GCA: variants seen among roughly 807,000 people sequenced by gnomAD.
GCA encodes grancalcin, EF-hand calcium-binding protein.
GCA carries 30 observed loss-of-function variants against 32.6 expected under a neutral mutation model. That is an observed-to-expected ratio of 0.92 (90% CI 0.69 to 1.25). The LOEUF is 1.25. Among genes scored for constraint, GCA ranks in the 50% most tolerant of loss-of-function variants. The pLI, the probability that GCA is intolerant of heterozygous loss-of-function variation, is 0.00. For synonymous variants in GCA, 102 were observed against 84.6 expected (o/e 1.21, Z -1.13); for missense variants, 291 against 266.8 (o/e 1.09, Z -0.63).
chr2:162,327,359 AG>A (rs1683922075), intron 1 of GCA, among the ~76,000 whole-genome samples: 1 of 152,122 alleles, frequency 6.6e-6, no homozygotes, highest in South Asian at 2.1e-4. Flanking sequence ...TGTGGGGGGC[AG>A]GGGGAGCCCT....
chr2:162,368,536 C>T (rs1047038914), intron 4 of GCA, among the ~76,000 whole-genome samples: 1 of 151,648 alleles, frequency 6.6e-6, no homozygotes, highest in East Asian at 1.9e-4. Flanking sequence ...ACATTTTATC[C>T]TTAGACAATA....
At chr2:162,347,037 G>T (rs760403499) in intron 1 of GCA, among the ~76,000 whole-genome samples, 1 of 151,988 alleles carries the variant, frequency 6.6e-6, no homozygotes, top group South Asian at 2.1e-4. Context: ...TTTGCTTCCC[G>T]CCCCTTAAAA....
At chr2:162,373,618 A>G, downstream of GCA, 1 of 1,564,650 alleles carries the variant, frequency 6.4e-7, no homozygotes, top group Non-Finnish European at 8.7e-7. Context: ...TTTCTGCAGC[A>G]ACTGTAAGAT....
downstream of GCA, among the ~76,000 whole-genome samples, chr2:162,363,343 A>G (rs1185273642): frequency 6.6e-6 from 1 of 151,428 alleles, no homozygotes; most frequent in Non-Finnish European, 1.5e-5. Context: ...GTGTTAGAAG[A>G]TCCCAATTTT....
At chr2:162,357,016 G>T (rs908144025) in intron 5 of GCA, 111 bp downstream of exon 5, 2 of 692,072 alleles carry the variant, frequency 2.9e-6, no homozygotes, top group Non-Finnish European at 4.6e-6. Context: ...TTTTTTGCCA[G>T]CAAGTTCCTT....
downstream of GCA, among the ~76,000 whole-genome samples, chr2:162,364,885 C>T (rs987849946): frequency 6.6e-6 from 1 of 151,496 alleles, no homozygotes; most frequent in African/African-American, 2.4e-5. Context: ...TTTAAGTAAA[C>T]AATAAATGTT....
chr2:162,346,575 C>G (rs1427200665), intron 1 of GCA: 2 of 152,210 alleles, frequency 1.3e-5, no homozygotes, highest in Admixed American at 6.5e-5. Context: ...CTCTTTCTCT[C>G]TCTTAGAAGC....
intron 1 of GCA, 76 bp downstream of exon 1, chr2:162,344,351 G>A: frequency 7.0e-7 from 1 of 1,433,354 alleles, no homozygotes; most frequent in South Asian, 1.2e-5. Flanking sequence ...CAACGTGCGG[G>A]TCCGCCCTTG....
rs528050362 is a variant in GCA, at chr2:162,352,838, T to C, written c.262+431T>C. ...GTCCTTCCAATGTAGTTATAATATATAGTAACTTTTGTTAGGTATGTTAGT... is the reference window on the plus strand; with the variant it reads ...GTCCTTCCAATGTAGTTATAATATACAGTAACTTTTGTTAGGTATGTTAGT... On this transcript the variant is annotated intron_variant, in intron 3 of 7. Coordinates refer to ENST00000437150, the MANE Select transcript of GCA (RefSeq NM_012198.5). Among the ~76,000 whole-genome samples, 20 of 152,328 alleles carry C rather than the reference T, an allele frequency of 1.3e-4. No individual in the cohort carries two copies. The South Asian group carries it at 4.1e-3, about 32-fold the overall frequency.
In GCA at chr2:162,332,108, G is replaced by C. The variant is rs1684107786; in HGVS notation, c.-31+12883G>C. On this transcript the variant is annotated intron_variant, in intron 1 of 4. Transcript: ENST00000429691. ...GCAGATCATGAGGTCAGGAGATCGA[G>C]ACCATCCTGGCTAACATGGTGAAAC... Among the ~76,000 whole-genome samples, 3 of 151,824 alleles carry C rather than the reference G, an allele frequency of 2.0e-5. No homozygotes were observed. The South Asian group carries it at 6.2e-4, about 31-fold the overall frequency.
chr2:162,327,347 A>G (rs530071165), intron 1 of GCA, among the ~76,000 whole-genome samples: 42 of 152,218 alleles, frequency 2.8e-4, no homozygotes, highest in South Asian at 2.7e-3. Context: ...TATCAGAAAC[A>G]TTGTGGGGGG....
At chr2:162,328,564 TAC>T (rs1198585150) in intron 1 of GCA, among the ~76,000 whole-genome samples, 6 of 152,020 alleles carry the variant, frequency 3.9e-5, no homozygotes, top group African/African-American at 7.3e-5. Flanking sequence ...TAGGGGAGCA[TAC>T]ACACGGGCAG....
intron 1 of GCA, 85 bp from the exon 2 acceptor site, chr2:162,347,493 A>C (rs1684767523): frequency 6.1e-6 from 5 of 813,506 alleles, no homozygotes; most frequent in Non-Finnish European, 7.3e-6. Flanking sequence ...TTTTTGACGG[A>C]CTTCTAATAA....
At chr2:162,373,460 C>G (rs1394464340), downstream of GCA, 1 of 1,505,072 alleles carries the variant, frequency 6.6e-7, no homozygotes, top group Non-Finnish European at 8.9e-7. Flanking sequence ...TGGATGGTAT[C>G]CACACTTACT....
intron 1 of GCA, among the ~76,000 whole-genome samples, chr2:162,325,184 G>C (rs1683831080): frequency 6.6e-6 from 1 of 152,208 alleles, no homozygotes; most frequent in Non-Finnish European, 1.5e-5. Flanking sequence ...TTAAACTTTA[G>C]AAGGGAGGTA....
intron 1 of GCA, among the ~76,000 whole-genome samples, chr2:162,326,370 A>AT (rs987329516): frequency 6.6e-6 from 1 of 152,090 alleles, no homozygotes; most frequent in African/African-American, 2.4e-5. Flanking sequence ...GCTACAAGGC[A>AT]TTTTTCCTCC....
At position 162,360,580 on chromosome 2, in the gene GCA, C is replaced by A; in HGVS notation, c.*337C>A. 1 of 1,123,088 alleles carries A rather than the reference C, an allele frequency of 8.9e-7. No homozygotes were observed. Among genetic ancestry groups the A allele is most frequent in the Non-Finnish European group, 1.1e-6 (1 of 883,728 alleles). 69.6% of individuals were successfully genotyped at this position (1,123,088 alleles called of 1,614,324 possible). A position where few individuals can be genotyped will look rare whatever the true frequency, so the allele number is the denominator to read the frequency against. On this transcript the variant is annotated 3_prime_UTR_variant, in exon 8 of 8. Transcript: ENST00000437150. The stretch of plus-strand genomic sequence containing the variant: ...TTACAAGATAGATTGTATAAGAAGC[C>A]AAATAATGAAAGCCTAGAAAAAACT...
chr2:162,345,010 G>A (rs1385591257), intron 1 of GCA, among the ~76,000 whole-genome samples: 1 of 147,704 alleles, frequency 6.8e-6, no homozygotes, highest in African/African-American at 2.5e-5. Context: ...AAGAGAAATT[G>A]TGTTTTACTG....
At chr2:162,341,849 T>C (rs1349547845), upstream of GCA, among the ~76,000 whole-genome samples, 1 of 152,204 alleles carries the variant, frequency 6.6e-6, no homozygotes, top group Non-Finnish European at 1.5e-5. Context: ...GGTAGTGAAA[T>C]ACAATTATCC....
Sources: allele counts gnomAD v4.1 joint callset (sites outside exome capture counted in the v4.1 genomes callset), GRCh38; gene constraint gnomAD v4.1.1; transcripts MANE v1.5; gene names NCBI Gene and HGNC (gene_info 2026-07-23, HGNC 2026-07-21).